Variants in GMDS observed in about 807,000 individuals in gnomAD.
The protein encoded by GMDS is GDP-mannose 4,6 dehydratase.
In GMDS, 20 loss-of-function variants were observed where a neutral mutation model predicts 49.9. The ratio of observed to expected loss-of-function variants is 0.40; its 90% CI spans 0.28 to 0.58. The LOEUF is 0.58. Ranked by LOEUF, GMDS falls within the 20% of genes least tolerant of loss-of-function variation. The probability of loss-of-function intolerance (pLI) is 0.42; values close to 1 mark genes in which losing one functional copy is unlikely to be tolerated. For synonymous variants in GMDS, 177 were observed against 178.6 expected (o/e 0.99, Z 0.07); for missense variants, 362 against 481.4 (o/e 0.75, Z 2.32).
chr6:1,859,454 T>C (rs1581265518), intron 7 of GMDS, among the ~76,000 whole-genome samples: 6 of 152,296 alleles, frequency 3.9e-5, no homozygotes, highest in Admixed American at 3.9e-4. Flanking sequence ...CTGCAACATT[T>C]CAGCTGTAAT....
At chr6:1,827,071 A>AAT (rs201015593) in intron 7 of GMDS, among the ~76,000 whole-genome samples, 1 of 97,020 alleles carries the variant, frequency 1.0e-5, no homozygotes, top group African/African-American at 4.2e-5. Flanking sequence ...CTCTTAAAAA[A>AAT]ATATATATGT....
chr6:2,076,621 T>C (rs1185502527), intron 4 of GMDS, among the ~76,000 whole-genome samples: 1 of 152,134 alleles, frequency 6.6e-6, no homozygotes, highest in Non-Finnish European at 1.5e-5. Context: ...TCTACAACTA[T>C]CTGATCTTTG....
chr6:1,733,217 C>A (rs936908241), intron 8 of GMDS, among the ~76,000 whole-genome samples: 7 of 152,240 alleles, frequency 4.6e-5, no homozygotes, highest in African/African-American at 1.7e-4. Context: ...GAGCAGGCAA[C>A]CCTGGGAAGA....
intron 9 of GMDS, among the ~76,000 whole-genome samples, chr6:1,632,991 T>C (rs971096776): frequency 6.6e-6 from 1 of 152,162 alleles, no homozygotes; most frequent in Non-Finnish European, 1.5e-5. Context: ...GAGATTCAGG[T>C]TTTAAATCTG....
At chr6:1,914,131 GTTTTTTTTTT>G (rs563808537) in intron 7 of GMDS, among the ~76,000 whole-genome samples, 53 of 77,854 alleles carry the variant, frequency 6.8e-4, no homozygotes, top group African/African-American at 2.3e-3. Context: ...TTTTTTGTTT[GTTTTTTTTTT>G]TTTTTTTTTT....
At chr6:1,742,668 G>A (rs777503391) in intron 7 of GMDS, 82 bp from the exon 8 acceptor site, 12 of 739,592 alleles carry the variant, frequency 1.6e-5, no homozygotes, top group Non-Finnish European at 2.6e-5. Flanking sequence ...AATCAGATAT[G>A]GACATCGACA....
At chr6:2,018,912 T>C (rs1561979926) in intron 4 of GMDS, among the ~76,000 whole-genome samples, 1 of 152,090 alleles carries the variant, frequency 6.6e-6, no homozygotes, top group Non-Finnish European at 1.5e-5. Context: ...GAACTGCCCA[T>C]CTATTTTTTA....
intron 7 of GMDS, among the ~76,000 whole-genome samples, chr6:1,824,967 G>A (rs1479281411): frequency 3.3e-5 from 5 of 152,142 alleles, no homozygotes; most frequent in African/African-American, 9.7e-5. Context: ...CACCCAGCAC[G>A]GTGCCTTACA....
chr6:2,094,581 G>A (rs1773491458), intron 4 of GMDS, among the ~76,000 whole-genome samples: 1 of 152,092 alleles, frequency 6.6e-6, no homozygotes, highest in Non-Finnish European at 1.5e-5. Context: ...AAAAAACGGA[G>A]CAGATTTAAG....
At chr6:1,722,088 A>C (rs1766404139) in intron 9 of GMDS, among the ~76,000 whole-genome samples, 1 of 96,034 alleles carries the variant, frequency 1.0e-5, no homozygotes, top group Non-Finnish European at 1.9e-5. Flanking sequence ...TTTTTTTGAG[A>C]TGGAATCTTG....
intron 4 of GMDS, among the ~76,000 whole-genome samples, chr6:2,025,204 T>C (rs1467203916): frequency 3.9e-5 from 6 of 152,098 alleles, no homozygotes; most frequent in African/African-American, 1.2e-4. Flanking sequence ...AAAGAAGACA[T>C]TAAAGTTGAT....
chr6:2,076,276 A>T (rs1430919279), intron 4 of GMDS, among the ~76,000 whole-genome samples: 2 of 152,166 alleles, frequency 1.3e-5, no homozygotes, highest in Non-Finnish European at 2.9e-5. Flanking sequence ...ATACAAATGG[A>T]AGAACTTTCC....
At chr6:1,726,648 C>G (rs1045218923) in intron 8 of GMDS, 136 bp from the exon 9 acceptor site, 4 of 625,474 alleles carry the variant, frequency 6.4e-6, no homozygotes, top group Non-Finnish European at 1.2e-5. Context: ...CAGGCTGATG[C>G]TCCAGCTGAT....
In GMDS at chr6:2,191,405, C is replaced by T. The variant is rs1001836181; in HGVS notation, c.102+53916G>A. 2.0e-5 allele frequency among the ~76,000 whole-genome samples: 3 copies of T among 152,164 alleles called. No individual in the cohort carries two copies. The highest frequency in any genetic ancestry group is 1.9e-4 in the East Asian group (1 of 5,180). ...GCAAGGGGGCACAGCTGGGACTTCCCGCTTCATGGAACCGGGAGCCAGGAG... is the reference window on the plus strand; with the variant it reads ...GCAAGGGGGCACAGCTGGGACTTCCTGCTTCATGGAACCGGGAGCCAGGAG... On this transcript the variant is annotated intron_variant, in intron 1 of 10. Transcript: ENST00000380815. This position sits in a 1 kb window ranked among gnomAD's most constrained non-coding sequence, Gnocchi z 4.6.
intron 1 of GMDS, among the ~76,000 whole-genome samples, chr6:2,232,965 T>G (rs539588586): frequency 1.2e-4 from 18 of 152,046 alleles, no homozygotes; most frequent in African/African-American, 3.6e-4. Flanking sequence ...CAAGACAGAA[T>G]GTAAATTTGT....
At chr6:1,738,056 C>G (rs1261507534) in intron 8 of GMDS, among the ~76,000 whole-genome samples, 8 of 146,988 alleles carry the variant, frequency 5.4e-5, no homozygotes, top group Non-Finnish European at 1.1e-4. Context: ...ACATACACCA[C>G]ACACATACAC....
intron 7 of GMDS, among the ~76,000 whole-genome samples, chr6:1,816,882 G>T (rs1451349783): frequency 6.6e-6 from 1 of 151,350 alleles, no homozygotes; most frequent in African/African-American, 2.4e-5. Flanking sequence ...AATGGAAGGG[G>T]GGTGGTAGAG....
intron 1 of GMDS, among the ~76,000 whole-genome samples, chr6:2,215,648 G>A (rs548971327): frequency 6.6e-6 from 1 of 152,142 alleles, no homozygotes; most frequent in Admixed American, 6.5e-5. Context: ...GAGAGAAAGA[G>A]ATGGGGAGGG....
At chr6:1,714,185 T>A (rs549913050) in intron 9 of GMDS, among the ~76,000 whole-genome samples, 1 of 152,188 alleles carries the variant, frequency 6.6e-6, no homozygotes, top group East Asian at 1.9e-4. Context: ...GCCCAGCTAA[T>A]TTTTTTGTAT....
Sources: allele counts gnomAD v4.1 joint callset (sites outside exome capture counted in the v4.1 genomes callset), GRCh38; gene constraint gnomAD v4.1.1; non-coding constraint Gnocchi (gnomAD v3.1); transcripts MANE v1.5; gene names NCBI Gene and HGNC (gene_info 2026-07-23, HGNC 2026-07-21).